ATP9B: variants seen among roughly 807,000 people sequenced by gnomAD.
ATP9B encodes ATPase phospholipid transporting 9B, also known as probable phospholipid-transporting ATPase IIB.
A neutral mutation model predicts 146.1 loss-of-function variants in ATP9B; 110 were observed. That is an observed-to-expected ratio of 0.75 (90% CI 0.65 to 0.88). The LOEUF (loss-of-function observed/expected upper bound fraction) is 0.88, where lower values mean the gene tolerates loss of function less well. ATP9B is among the 40% of genes least tolerant of loss of function. The probability of loss-of-function intolerance (pLI) is 0.00; values close to 1 mark genes in which losing one functional copy is unlikely to be tolerated. For synonymous variants in ATP9B, 604 were observed against 569.7 expected (o/e 1.06, Z -0.86); for missense variants, 1,499 against 1,496.4 (o/e 1.00, Z -0.03).
chr18:79,227,091 CT>C (rs1311629599), intron 11 of ATP9B, among the ~76,000 whole-genome samples: 50 of 152,106 alleles, frequency 3.3e-4, no homozygotes, highest in Non-Finnish European at 2.9e-5. Flanking sequence ...TGTTACTTTC[CT>C]TGATTGACCT....
intron 12 of ATP9B, among the ~76,000 whole-genome samples, chr18:79,265,463 A>G (rs2096193552): frequency 6.6e-6 from 1 of 152,034 alleles, no homozygotes; most frequent in Non-Finnish European, 1.5e-5. Flanking sequence ...GCTTTTTTTC[A>G]TATGATTGTT....
Position 79,277,120 on chromosome 18 carries a change from C to G in ATP9B, c.1335C>G (p.Ile445Met). Reference protein sequence around the residue: ...YGWMMMKDENIPGTVVRTSTI... With the variant: ...YGWMMMKDENMPGTVVRTSTI... ...GGATGATGATGAAAGATGAGAACAT[C>G]CCTGGCACGGTCGTTCGGACCAGCA... The change falls in exon 13 of 30, where the codon ATC becomes ATG. Residue 445 changes from isoleucine (I) to methionine (M), a missense_variant. Ile to Met is a conservative substitution (Grantham distance 10). Coordinates refer to ENST00000426216, the MANE Select transcript of ATP9B (RefSeq NM_198531.5). 6.2e-7 allele frequency: 1 copy of G among 1,614,186 alleles called. No individual in the cohort carries two copies. Among genetic ancestry groups the G allele is most frequent in the Non-Finnish European group, 8.5e-7 (1 of 1,180,030 alleles).
chr18:79,249,127 C>T (rs2095998344), intron 11 of ATP9B, among the ~76,000 whole-genome samples: 1 of 150,994 alleles, frequency 6.6e-6, no homozygotes, highest in Non-Finnish European at 1.5e-5. Flanking sequence ...AGGAGAATAC[C>T]GTATTTACCC....
At chr18:79,348,275 A>AAC in intron 25 of ATP9B, 79 bp downstream of exon 25, 2 of 1,217,070 alleles carry the variant, frequency 1.6e-6, no homozygotes, top group South Asian at 1.3e-5. Context: ...AAAAACAAAA[A>AAC]ACGTATATAG....
intron 3 of ATP9B, among the ~76,000 whole-genome samples, chr18:79,111,780 G>A (rs991039587): frequency 1.3e-5 from 2 of 152,120 alleles, no homozygotes; most frequent in African/African-American, 4.8e-5. Context: ...AATACCTGTG[G>A]ATGTGACTGT....
At chr18:79,263,573 T>C (rs187730071) in intron 12 of ATP9B, among the ~76,000 whole-genome samples, 67 of 152,356 alleles carry the variant, frequency 4.4e-4, no homozygotes, top group African/African-American at 1.5e-3. Flanking sequence ...TTTTGTCTTA[T>C]TCCTTTTGTT....
intron 13 of ATP9B, among the ~76,000 whole-genome samples, chr18:79,283,507 G>A (rs1166483982): frequency 6.6e-6 from 1 of 152,200 alleles, no homozygotes; most frequent in Admixed American, 6.5e-5. Flanking sequence ...TGCCACGGCA[G>A]AATAGAAAAT....
chr18:79,128,050 G>A (rs34121460), intron 5 of ATP9B, among the ~76,000 whole-genome samples: 8,545 of 139,470 alleles, frequency 0.061, 343 homozygotes, highest in Non-Finnish European at 0.093. Context: ...ATCCTTTGCC[G>A]ACTTTTTTTT....
chr18:79,298,349 G>A (rs1251030844), intron 13 of ATP9B, among the ~76,000 whole-genome samples: 1 of 145,962 alleles, frequency 6.9e-6, no homozygotes, highest in Non-Finnish European at 1.5e-5. Flanking sequence ...TGAAAAGTAC[G>A]GTGCCGTTTA....
intron 11 of ATP9B, among the ~76,000 whole-genome samples, chr18:79,241,049 T>A (rs2095883108): frequency 6.6e-6 from 1 of 152,206 alleles, no homozygotes; most frequent in Non-Finnish European, 1.5e-5. Flanking sequence ...AAAGGGCTAT[T>A]GGGTTGTAAG....
intron 13 of ATP9B, among the ~76,000 whole-genome samples, chr18:79,281,460 G>C (rs1364043166): frequency 6.6e-6 from 1 of 151,968 alleles, no homozygotes; most frequent in African/African-American, 2.4e-5. Context: ...TCACGCCATT[G>C]CATGCCAGCC....
At chr18:79,077,488 G>A (rs946828664) in intron 1 of ATP9B, among the ~76,000 whole-genome samples, 1 of 152,202 alleles carries the variant, frequency 6.6e-6, no homozygotes, top group African/African-American at 2.4e-5. Context: ...TTAGAAGGTG[G>A]TTAGATTTTC....
At chr18:79,307,837 T>C (rs1283827396) in intron 15 of ATP9B, among the ~76,000 whole-genome samples, 1 of 152,212 alleles carries the variant, frequency 6.6e-6, no homozygotes, top group Admixed American at 6.5e-5. Flanking sequence ...GTATATTTTA[T>C]ATACAGTTTT....
intron 12 of ATP9B, among the ~76,000 whole-genome samples, chr18:79,261,228 G>A (rs1039580218): frequency 1.3e-5 from 2 of 152,196 alleles, no homozygotes; most frequent in African/African-American, 4.8e-5. Flanking sequence ...GCGAGTGCTA[G>A]AGGGTGGACT....
chr18:79,152,567 A>C (rs2094706626), intron 6 of ATP9B, among the ~76,000 whole-genome samples: 1 of 152,204 alleles, frequency 6.6e-6, no homozygotes, highest in Admixed American at 6.5e-5. Flanking sequence ...TTTATTAAGC[A>C]TCCTTACCTC....
chr18:79,355,333 C>G (rs1018562868), intron 25 of ATP9B, among the ~76,000 whole-genome samples: 2 of 152,236 alleles, frequency 1.3e-5, no homozygotes, highest in African/African-American at 4.8e-5. Flanking sequence ...CTAGAATTCT[C>G]TGACAAAGAC....
chr18:79,200,764 T>TCGGGG (rs1568388923), intron 9 of ATP9B, among the ~76,000 whole-genome samples: 1 of 3,874 alleles, frequency 2.6e-4, no homozygotes, highest in African/African-American at 9.4e-4. Flanking sequence ...GGTGGGAACG[T>TCGGGG]TGGGGTCAGA....
At chr18:79,093,303 T>G (rs1275887655) in intron 1 of ATP9B, among the ~76,000 whole-genome samples, 1 of 152,216 alleles carries the variant, frequency 6.6e-6, no homozygotes, top group Non-Finnish European at 1.5e-5. Context: ...TGAAGGACAT[T>G]GTTGCTGGAT....
chr18:79,091,448 A>C (rs1174956382), intron 1 of ATP9B, among the ~76,000 whole-genome samples: 1 of 152,062 alleles, frequency 6.6e-6, no homozygotes, highest in African/African-American at 2.4e-5. Flanking sequence ...GGTATCCTTC[A>C]ATTGCCTTCA....
Sources: allele counts gnomAD v4.1 joint callset (sites outside exome capture counted in the v4.1 genomes callset), GRCh38; gene constraint gnomAD v4.1.1; transcripts MANE v1.5; gene names NCBI Gene and HGNC (gene_info 2026-07-23, HGNC 2026-07-21).